SORL1: variants seen among roughly 807,000 people sequenced by gnomAD.
The protein encoded by SORL1 is sortilin-related receptor.
Under a neutral mutation model 273.7 loss-of-function variants are expected in SORL1, and 127 were observed. The ratio of observed to expected loss-of-function variants is 0.46; its 90% CI spans 0.40 to 0.54. The LOEUF is 0.54. Among genes scored for constraint, SORL1 ranks in the 20% least tolerant of loss-of-function variants. The pLI, the probability that SORL1 is intolerant of heterozygous loss-of-function variation, is 0.00. For missense variants in SORL1, 2,494 were observed against 2,846.1 expected (o/e 0.88, Z 2.81); for synonymous variants, 1,031 against 1,067.4 (o/e 0.97, Z 0.66).
intron 22 of SORL1, among the ~76,000 whole-genome samples, chr11:121,567,737 T>G (rs1862774442): frequency 6.6e-6 from 1 of 152,228 alleles, no homozygotes; most frequent in African/African-American, 2.4e-5. Context: ...AAAAAGTTTT[T>G]CCTTCCTGTG....
At chr11:121,602,158 A>G (rs1054920628) in intron 32 of SORL1, among the ~76,000 whole-genome samples, 8 of 152,140 alleles carry the variant, frequency 5.3e-5, no homozygotes, top group African/African-American at 1.9e-4. Flanking sequence ...TCTTGAATAC[A>G]CGTTTATTTG....
At chr11:121,577,990 A>T (rs1352269789) in intron 25 of SORL1, among the ~76,000 whole-genome samples, 2 of 152,186 alleles carry the variant, frequency 1.3e-5, no homozygotes, top group African/African-American at 4.8e-5. Context: ...ACTGGGGGTG[A>T]TAGGCAGTGG....
chr11:121,546,031 T>A (rs1457019908), intron 14 of SORL1, among the ~76,000 whole-genome samples: 2 of 152,086 alleles, frequency 1.3e-5, no homozygotes, highest in Non-Finnish European at 2.9e-5. Context: ...ATGAGGAGAT[T>A]TTTGGAAGAA....
intron 32 of SORL1, among the ~76,000 whole-genome samples, chr11:121,599,908 T>G (rs1260484696): frequency 6.6e-6 from 1 of 152,242 alleles, no homozygotes. Context: ...CACTTTGCTT[T>G]ATCATAAGTG....
intron 20 of SORL1, 123 bp downstream of exon 20, chr11:121,558,960 C>A: frequency 7.8e-7 from 1 of 1,275,602 alleles, no homozygotes; most frequent in Non-Finnish European, 1.1e-6. Flanking sequence ...GCCTTTTTTC[C>A]AAATTTGAGA....
chr11:121,620,777 C>T (rs1341755844), intron 43 of SORL1, among the ~76,000 whole-genome samples: 2 of 152,188 alleles, frequency 1.3e-5, no homozygotes, highest in East Asian at 1.9e-4. Context: ...GATGTGCTTG[C>T]TTGTTCCAAC....
intron 24 of SORL1, 68 bp downstream of exon 24, chr11:121,574,431 G>T: frequency 7.3e-7 from 1 of 1,377,252 alleles, no homozygotes; most frequent in South Asian, 1.2e-5. Flanking sequence ...TCACAGGGCT[G>T]TACTGGTATG....
chr11:121,589,922 A>C, intron 29 of SORL1, 118 bp from the exon 30 acceptor site: 1 of 1,212,060 alleles, frequency 8.3e-7, no homozygotes, highest in Non-Finnish European at 1.2e-6. Flanking sequence ...TTATCTCTTT[A>C]TGGGTGGGAA....
intron 7 of SORL1, 143 bp from the exon 8 acceptor site, chr11:121,514,009 G>A (rs1387294087): frequency 2.3e-6 from 2 of 881,394 alleles, no homozygotes; most frequent in African/African-American, 1.7e-5. Flanking sequence ...AAGCTTCTTT[G>A]CCAAGGTTAG....
At chr11:121,565,223 G>T (rs1862738224) in intron 21 of SORL1, among the ~76,000 whole-genome samples, 2 of 152,292 alleles carry the variant, frequency 1.3e-5, no homozygotes, top group Non-Finnish European at 1.5e-5. Flanking sequence ...TCCTCTGGAG[G>T]TGTATGTTTT....
chr11:121,481,648 G>C (rs1392770111), intron 3 of SORL1, among the ~76,000 whole-genome samples: 1 of 109,374 alleles, frequency 9.1e-6, no homozygotes, highest in Non-Finnish European at 1.8e-5. Flanking sequence ...CTAGTGCACA[G>C]ATACCTATAG....
chr11:121,476,595 C>G (rs1861270814), intron 2 of SORL1, among the ~76,000 whole-genome samples: 1 of 152,190 alleles, frequency 6.6e-6, no homozygotes, highest in Non-Finnish European at 1.5e-5. Flanking sequence ...TAGACAATAC[C>G]TGGCTCACAT....
At chr11:121,593,769 G>A (rs1000566112) in intron 31 of SORL1, among the ~76,000 whole-genome samples, 3 of 152,116 alleles carry the variant, frequency 2.0e-5, no homozygotes, top group African/African-American at 4.8e-5. Context: ...TATACCTGGG[G>A]CACAACTGCC....
intron 19 of SORL1, among the ~76,000 whole-genome samples, chr11:121,558,163 C>T (rs1250686166): frequency 3.3e-5 from 5 of 152,206 alleles, no homozygotes; most frequent in African/African-American, 1.2e-4. Flanking sequence ...CATATACACA[C>T]ACATGCACGC....
intron 7 of SORL1, 139 bp from the exon 8 acceptor site, chr11:121,514,013 A>C: frequency 4.4e-6 from 4 of 911,398 alleles, no homozygotes; most frequent in Non-Finnish European, 4.8e-6. Flanking sequence ...TTCTTTGCCA[A>C]GGTTAGGGAG....
intron 14 of SORL1, 103 bp from the exon 15 acceptor site, chr11:121,549,857 A>G (rs557775835): frequency 2.1e-6 from 2 of 943,380 alleles, no homozygotes; most frequent in South Asian, 1.8e-5. Context: ...TAAATAACTT[A>G]TAATAAAAGT....
chr11:121,560,634 C>T (rs1280497173), intron 21 of SORL1, among the ~76,000 whole-genome samples: 1 of 152,028 alleles, frequency 6.6e-6, no homozygotes, highest in Admixed American at 6.6e-5. Context: ...CTTGGCTGAC[C>T]CTATACTAGG....
intron 8 of SORL1, among the ~76,000 whole-genome samples, chr11:121,514,732 A>G (rs1475508047): frequency 2.0e-5 from 3 of 152,250 alleles, no homozygotes; most frequent in Admixed American, 2.0e-4. Flanking sequence ...AATTGATGTC[A>G]TTACTCTTTT....
At chr11:121,613,313 A>G (rs1215061586) in intron 40 of SORL1, among the ~76,000 whole-genome samples, 3 of 152,182 alleles carry the variant, frequency 2.0e-5, no homozygotes, top group African/African-American at 7.2e-5. Flanking sequence ...AGTCCCTGTT[A>G]CGTATGTACC....
Sources: gnomAD v4.1 joint callset for allele counts (sites outside exome capture counted in the v4.1 genomes callset) on GRCh38, gnomAD v4.1.1 for gene constraint, MANE v1.5 for transcripts, NCBI Gene and HGNC (gene_info 2026-07-23, HGNC 2026-07-21) for gene names.